The following MCTP1 variants were observed in gnomAD, a reference collection of about 807,000 sequenced individuals.
MCTP1 encodes multiple C2 and transmembrane domain-containing protein 1.
In MCTP1, 69 loss-of-function variants were observed where a neutral mutation model predicts 120.6. The ratio of observed to expected loss-of-function variants is 0.57; its 90% confidence interval spans 0.47 to 0.70. MCTP1 has a LOEUF of 0.70. Ranked by LOEUF, MCTP1 falls within the 30% of genes least tolerant of loss-of-function variation. MCTP1 has a pLI of 0.00. For missense variants in MCTP1, 1,203 were observed against 1,248.8 expected (o/e 0.96, Z 0.55); for synonymous variants, 529 against 493.1 (o/e 1.07, Z -0.96).
At chr5:95,166,636 C>T (rs1293786065) in intron 1 of MCTP1, among the ~76,000 whole-genome samples, 7 of 145,900 alleles carry the variant, frequency 4.8e-5, no homozygotes, top group East Asian at 2.0e-4. Flanking sequence ...GGCACGATCT[C>T]GGCTCACTGC....
chr5:95,025,439 T>C (rs1293813869), intron 1 of MCTP1, among the ~76,000 whole-genome samples: 1 of 152,212 alleles, frequency 6.6e-6, no homozygotes, highest in Admixed American at 6.5e-5. Flanking sequence ...GAAGTTTCTA[T>C]GGTAATACTC....
intron 1 of MCTP1, among the ~76,000 whole-genome samples, chr5:95,099,793 A>C (rs999784722): frequency 1.3e-5 from 2 of 149,850 alleles, no homozygotes; most frequent in Non-Finnish European, 3.0e-5. Flanking sequence ...AAAGGACTAT[A>C]AATCATGCTG....
intron 1 of MCTP1, among the ~76,000 whole-genome samples, chr5:95,221,702 T>C (rs1753717529): frequency 6.6e-6 from 1 of 152,234 alleles, no homozygotes; most frequent in African/African-American, 2.4e-5. Context: ...CTATACCTGT[T>C]GGTTGTTTCA....
chr5:94,814,456 C>T (rs1374685759), intron 17 of MCTP1, among the ~76,000 whole-genome samples: 1 of 152,088 alleles, frequency 6.6e-6, no homozygotes, highest in Non-Finnish European at 1.5e-5. Context: ...TCACTAAAGC[C>T]ACTATAAAAT....
intron 1 of MCTP1, among the ~76,000 whole-genome samples, chr5:95,029,633 CT>C (rs1839927409): frequency 1.9e-5 from 1 of 52,970 alleles, no homozygotes; most frequent in African/African-American, 3.8e-5. Flanking sequence ...GAGAGCACTT[CT>C]CTCTCCTCTC....
At chr5:95,158,846 G>A (rs151128488) in intron 1 of MCTP1, among the ~76,000 whole-genome samples, 1,640 of 151,988 alleles carry the variant, frequency 0.011, 29 homozygotes, top group African/African-American at 0.036. Context: ...GGCTTGAGCC[G>A]GGAGGCAGAG....
At chr5:94,934,639 AAAGCATACATATATCAAC>A (rs1815699053) in intron 5 of MCTP1, among the ~76,000 whole-genome samples, 2 of 151,910 alleles carry the variant, frequency 1.3e-5, no homozygotes, top group Non-Finnish European at 2.9e-5. Flanking sequence ...TACATCTTGT[AAAGCATACATATATCAAC>A]TTTTTGTAGG....
At chr5:95,220,853 A>G (rs1753608404) in intron 1 of MCTP1, among the ~76,000 whole-genome samples, 1 of 152,230 alleles carries the variant, frequency 6.6e-6, no homozygotes, top group Non-Finnish European at 1.5e-5. Flanking sequence ...GTGACATGTA[A>G]ATAAAGCATT....
At chr5:95,092,161 GT>G (rs943910470) in intron 1 of MCTP1, among the ~76,000 whole-genome samples, 2 of 151,936 alleles carry the variant, frequency 1.3e-5, no homozygotes, top group African/African-American at 4.8e-5. Flanking sequence ...TGGTTTTATG[GT>G]TTTTTTTGTT....
In MCTP1 at chr5:94,870,857, A is replaced by G; in HGVS notation, c.2241+15T>C. The G allele has an allele frequency of 3.2e-6, 5 of 1,583,032 alleles. No individual in the cohort carries two copies. Among genetic ancestry groups the G allele is most frequent in the Non-Finnish European group, 4.3e-6 (5 of 1,152,106 alleles). On this transcript the variant is annotated intron_variant, in intron 15 of 22. Transcript: ENST00000515393. The stretch of plus-strand genomic sequence containing the variant: ...AACTCTTTAGCAGTACAAAAAAGCC[A>G]AAGTTAAGACTTACAGCATTAAAAA...
In MCTP1 at chr5:94,915,124, T is replaced by C. The variant is rs563965193; in HGVS notation, c.1351-2148A>G. On this transcript the variant is annotated intron_variant, in intron 8 of 22. Coordinates refer to ENST00000515393, the MANE Select transcript of MCTP1 (RefSeq NM_024717.7). ...CAAGGAGCTAATAGCTGCCAACTTATATAGAGCTTTAGAATTTAAAAGTGT... is the reference window on the plus strand; with the variant it reads ...CAAGGAGCTAATAGCTGCCAACTTACATAGAGCTTTAGAATTTAAAAGTGT... 1.2e-4 allele frequency among the ~76,000 whole-genome samples: 19 copies of C among 152,328 alleles called. No homozygotes were observed. The South Asian group carries it at 2.3e-3, about 18-fold the overall frequency.
chr5:94,832,334 C>T (rs1193481837), intron 17 of MCTP1, among the ~76,000 whole-genome samples: 2 of 152,132 alleles, frequency 1.3e-5, no homozygotes, highest in Non-Finnish European at 2.9e-5. Context: ...TTTACCTGTA[C>T]TTTCTTCAAT....
chr5:95,043,842 G>A (rs758029459), intron 1 of MCTP1, among the ~76,000 whole-genome samples: 2 of 151,994 alleles, frequency 1.3e-5, no homozygotes, highest in African/African-American at 2.4e-5. Flanking sequence ...TAAAGGGCTT[G>A]GCCTACGGGG....
Position 94,873,202 on chromosome 5 carries a change from T to C in MCTP1, c.1973A>G (p.Asp658Gly). The C allele has an allele frequency of 6.2e-7, 1 of 1,611,414 alleles. No homozygotes were observed. The highest frequency in any genetic ancestry group is 1.1e-5 in the South Asian group (1 of 90,980). Reference sequence around the variant, plus strand: ...GTAGACAGTATGTGTTAGCAGTCTATCGTTGTTCAGTTCTACCACACAAAA... The same window carrying C: ...GTAGACAGTATGTGTTAGCAGTCTACCGTTGTTCAGTTCTACCACACAAAA... Reference protein sequence around the residue: ...DPFCVVELNNDRLLTHTVYKN... With the variant: ...DPFCVVELNNGRLLTHTVYKN... The change falls in exon 13 of 23, where the codon GAT becomes GGT. Residue 658 changes from aspartate (D) to glycine (G), a missense_variant. Asp to Gly is a moderately conservative substitution (Grantham distance 94). Coordinates refer to ENST00000515393, the MANE Select transcript of MCTP1 (RefSeq NM_024717.7).
chr5:94,754,522 A>G (rs980686028), intron 19 of MCTP1, among the ~76,000 whole-genome samples: 1 of 152,080 alleles, frequency 6.6e-6, no homozygotes, highest in African/African-American at 2.4e-5. Flanking sequence ...GCAATTTACA[A>G]CTCTTTGACA....
At chr5:95,070,327 CTGAGTGCAACACCTTGCACT>C (rs568415069) in intron 1 of MCTP1, among the ~76,000 whole-genome samples, 1,628 of 152,330 alleles carry the variant, frequency 0.011, 26 homozygotes, top group Middle Eastern at 0.048. Flanking sequence ...CTCAGCACTG[CTGAGTGCAACACCTTGCACT>C]TGAGTGCAAC....
chr5:94,845,444 G>A (rs548511933), intron 17 of MCTP1, among the ~76,000 whole-genome samples: 11 of 152,314 alleles, frequency 7.2e-5, no homozygotes, highest in African/African-American at 2.4e-4. Flanking sequence ...TGGGGATTAT[G>A]GGAGCTACAA....
intron 17 of MCTP1, among the ~76,000 whole-genome samples, chr5:94,836,616 T>C (rs1789845409): frequency 6.6e-6 from 1 of 152,232 alleles, no homozygotes; most frequent in African/African-American, 2.4e-5. Flanking sequence ...AGTGATTGCA[T>C]GATTTCACAG....
intron 6 of MCTP1, among the ~76,000 whole-genome samples, chr5:94,925,439 T>C (rs469797): frequency 0.1 from 15,373 of 151,918 alleles, 1,385 homozygotes; most frequent in African/African-American, 0.24. Flanking sequence ...GACAGAGTCT[T>C]GCTCTGTCGC....
Sources: allele counts gnomAD v4.1 joint callset (sites outside exome capture counted in the v4.1 genomes callset), GRCh38; gene constraint gnomAD v4.1.1; transcripts MANE v1.5; gene names NCBI Gene and HGNC (gene_info 2026-07-23, HGNC 2026-07-21).